The following COX7B2 variants were observed in gnomAD, a reference collection of about 807,000 sequenced individuals.
COX7B2 encodes the protein cytochrome c oxidase subunit 7B2.
For synonymous variants in COX7B2, 37 were observed against 32.1 expected, an observed-to-expected ratio of 1.15 and a Z score of -0.51; for missense variants, 109 against 95.9, an observed-to-expected ratio of 1.14 and a Z score of -0.57.
chr4:46,843,161 A>G (rs1279170218), intron 2 of COX7B2, among the ~76,000 whole-genome samples: 1 of 151,990 alleles, frequency 6.6e-6, no homozygotes, highest in Admixed American at 6.6e-5. Context: ...ACTGATGATG[A>G]GCTCACTTTA....
chr4:46,908,626 T>C (rs1441486952), intron 1 of COX7B2, among the ~76,000 whole-genome samples: 3 of 152,020 alleles, frequency 2.0e-5, no homozygotes, highest in African/African-American at 4.8e-5. Flanking sequence ...CCTTTCCTTT[T>C]AATTTTCCTT....
intron 1 of COX7B2, among the ~76,000 whole-genome samples, chr4:46,852,373 C>T (rs990070154): frequency 6.6e-5 from 10 of 151,996 alleles, no homozygotes. Flanking sequence ...ATGTTAAATA[C>T]TTAATTAGCA....
intron 2 of COX7B2, among the ~76,000 whole-genome samples, chr4:46,779,783 A>G (rs1182677326): frequency 6.6e-6 from 1 of 152,176 alleles, no homozygotes; most frequent in Non-Finnish European, 1.5e-5. Context: ...AAAAACTTGA[A>G]TACAAGGAAG....
intron 2 of COX7B2, among the ~76,000 whole-genome samples, chr4:46,785,375 ATTT>A (rs879697478): frequency 1.4e-5 from 2 of 143,558 alleles, no homozygotes; most frequent in African/African-American, 2.5e-5. Flanking sequence ...TGATAGAGCA[ATTT>A]TTTTTTTTTT....
chr4:46,735,520 A>G (rs78163545), intron 2 of COX7B2, among the ~76,000 whole-genome samples: 1 of 152,174 alleles, frequency 6.6e-6, no homozygotes, highest in Non-Finnish European at 1.5e-5. Flanking sequence ...ACTCATCACA[A>G]ATATCCAATG....
At chr4:46,855,055 C>T (rs972858382) in intron 1 of COX7B2, among the ~76,000 whole-genome samples, 38 of 152,110 alleles carry the variant, frequency 2.5e-4, no homozygotes, top group African/African-American at 7.5e-4. Context: ...AGGCCAGGTG[C>T]GGTGCCTCAC....
intron 1 of COX7B2, among the ~76,000 whole-genome samples, chr4:46,851,196 T>C (rs1019928432): frequency 6.6e-6 from 1 of 151,976 alleles, no homozygotes; most frequent in African/African-American, 2.4e-5. Context: ...GAAAACACCT[T>C]TGTCTTGAGA....
intron 2 of COX7B2, among the ~76,000 whole-genome samples, chr4:46,758,511 C>T (rs373401726): frequency 1.2e-4 from 18 of 152,072 alleles, no homozygotes; most frequent in African/African-American, 3.1e-4. Context: ...GTTCAGGTGA[C>T]GAAGCTGATA....
intron 1 of COX7B2, among the ~76,000 whole-genome samples, chr4:46,875,204 T>G (rs1718247859): frequency 2.0e-5 from 3 of 152,242 alleles, no homozygotes; most frequent in Admixed American, 1.3e-4. Context: ...GTAGATTTTT[T>G]GGAAATGTTA....
chr4:46,791,885 G>A (rs768142971), intron 2 of COX7B2, among the ~76,000 whole-genome samples: 1 of 152,160 alleles, frequency 6.6e-6, no homozygotes, highest in Non-Finnish European at 1.5e-5. Context: ...GTTCACCCAA[G>A]TCTGCACTAT....
chr4:46,840,253 T>G (rs891654673), intron 2 of COX7B2, among the ~76,000 whole-genome samples: 1 of 151,968 alleles, frequency 6.6e-6, no homozygotes, highest in Non-Finnish European at 1.5e-5. Flanking sequence ...GGCAGGACTT[T>G]CCCAGAAATT....
chr4:46,900,716 A>G (rs533522323), intron 1 of COX7B2, among the ~76,000 whole-genome samples: 1 of 152,172 alleles, frequency 6.6e-6, no homozygotes, highest in Non-Finnish European at 1.5e-5. Flanking sequence ...CTCTTATAAA[A>G]GAGGCCCAAT....
chr4:46,777,038 A>C (rs960538898), intron 2 of COX7B2, among the ~76,000 whole-genome samples: 1 of 152,200 alleles, frequency 6.6e-6, no homozygotes, highest in Non-Finnish European at 1.5e-5. Flanking sequence ...AAATATGCTA[A>C]AGATGCAGAT....
chr4:46,808,052 T>C (rs1163805795), intron 2 of COX7B2, among the ~76,000 whole-genome samples: 1 of 151,858 alleles, frequency 6.6e-6, no homozygotes, highest in Non-Finnish European at 1.5e-5. Flanking sequence ...TTTCTATTTT[T>C]TGTGAAGAAC....
intron 2 of COX7B2, among the ~76,000 whole-genome samples, chr4:46,768,823 T>A (rs1270447883): frequency 6.6e-6 from 1 of 152,088 alleles, no homozygotes; most frequent in Non-Finnish European, 1.5e-5. Flanking sequence ...ATGGTCAAAC[T>A]TTTAGCTATA....
rs575147609 is a variant in COX7B2 at position 46,806,655 on chromosome 4, C to T, written c.-50+38305G>A. On this transcript the variant is annotated intron_variant, in intron 2 of 2. Transcript: ENST00000355591. Reference sequence around the variant, plus strand: ...ACTTATTCATCATACATATCTACCACTTTGTATCCCCTAACTTACATCTCC... The same window carrying T: ...ACTTATTCATCATACATATCTACCATTTTGTATCCCCTAACTTACATCTCC... Among the ~76,000 whole-genome samples, 4 of 152,160 alleles carry T rather than the reference C, an allele frequency of 2.6e-5. No individual in the cohort carries two copies. The South Asian group carries it at 6.2e-4, about 24-fold the overall frequency.
chr4:46,840,503 GA>G (rs1209466313), intron 2 of COX7B2, among the ~76,000 whole-genome samples: 1 of 151,932 alleles, frequency 6.6e-6, no homozygotes, highest in East Asian at 1.9e-4. Flanking sequence ...AATGTAAATA[GA>G]AGAAAGAGCA....
chr4:46,819,592 A>G (rs977943789), intron 2 of COX7B2, among the ~76,000 whole-genome samples: 1 of 152,128 alleles, frequency 6.6e-6, no homozygotes, highest in African/African-American at 2.4e-5. Context: ...ATGTTTTAAG[A>G]AAGTTTATGA....
intron 2 of COX7B2, among the ~76,000 whole-genome samples, chr4:46,818,042 T>A (rs1341317541): frequency 6.6e-6 from 1 of 152,042 alleles, no homozygotes; most frequent in Non-Finnish European, 1.5e-5. Flanking sequence ...TTCCAGTGAG[T>A]CTTATTATGC....
Sources: gnomAD v4.1 joint callset for allele counts (sites outside exome capture counted in the v4.1 genomes callset) on GRCh38, gnomAD v4.1.1 for gene constraint, MANE v1.5 for transcripts, NCBI Gene and HGNC (gene_info 2026-07-23, HGNC 2026-07-21) for gene names.